RALGPS1: variants seen among roughly 807,000 people sequenced by gnomAD.
RALGPS1 encodes the protein ras-specific guanine nucleotide-releasing factor RalGPS1.
In RALGPS1, 19 loss-of-function variants were observed where a neutral mutation model predicts 78.8. That is an observed-to-expected ratio of 0.24 (90% CI 0.17 to 0.35). The LOEUF (loss-of-function observed/expected upper bound fraction) is 0.35, where lower values mean the gene tolerates loss of function less well. RALGPS1 is among the 10% of genes least tolerant of loss of function. RALGPS1 has a pLI of 1.00. For missense variants in RALGPS1, 454 were observed against 688.3 expected (o/e 0.66, Z 3.81); for synonymous variants, 228 against 256.3 (o/e 0.89, Z 1.06).
At chr9:127,097,559 C>A (rs957192667) in intron 8 of RALGPS1, among the ~76,000 whole-genome samples, 1 of 152,224 alleles carries the variant, frequency 6.6e-6, no homozygotes, top group Non-Finnish European at 1.5e-5. Context: ...AGAAACATCA[C>A]TGATGGATGA....
At chr9:126,944,844 G>C (rs2037109788) in intron 1 of RALGPS1, among the ~76,000 whole-genome samples, 1 of 152,170 alleles carries the variant, frequency 6.6e-6, no homozygotes, top group Admixed American at 6.5e-5. Flanking sequence ...TTCAGCCATT[G>C]AGTCTCATCA....
Position 127,186,142 on chromosome 9 carries a change from T to C in RALGPS1, c.911-8949T>C, listed in dbSNP as rs181235268. Among the ~76,000 whole-genome samples the C allele has an allele frequency of 2.7e-4, 41 of 152,372 alleles. No individual in the cohort carries two copies. The East Asian group carries it at 6.9e-3, about 26-fold the overall frequency. The stretch of plus-strand genomic sequence containing the variant: ...AGAGGTCTGTTGGGCAGCCTGTTGC[T>C]TTCTTGAAAGAAGTGTAATGAAAAC... On this transcript the variant is annotated intron_variant, in intron 11 of 18. Transcript: ENST00000259351.
At chr9:127,066,135 G>A (rs1327621544) in intron 7 of RALGPS1, among the ~76,000 whole-genome samples, 1 of 152,204 alleles carries the variant, frequency 6.6e-6, no homozygotes, top group Non-Finnish European at 1.5e-5. Context: ...AGGTAGGCTG[G>A]GCATGGCAGG....
chr9:127,172,075 CTTTAT>C (rs1005487698), intron 10 of RALGPS1, among the ~76,000 whole-genome samples: 18 of 152,178 alleles, frequency 1.2e-4, no homozygotes, highest in Admixed American at 1.0e-3. Context: ...TTCCTGGAGT[CTTTAT>C]TTTAATCAGT....
chr9:126,927,023 C>A (rs966906853), intron 1 of RALGPS1, among the ~76,000 whole-genome samples: 8 of 152,094 alleles, frequency 5.3e-5, no homozygotes, highest in African/African-American at 1.9e-4. Flanking sequence ...GGTGGACCTG[C>A]CCACTTGGTG....
At chr9:126,972,206 C>T (rs1048313140) in intron 3 of RALGPS1, among the ~76,000 whole-genome samples, 2 of 152,192 alleles carry the variant, frequency 1.3e-5, no homozygotes, top group African/African-American at 4.8e-5. Context: ...ATTGCCCCAT[C>T]ATGGCACAAT....
intron 4 of RALGPS1, among the ~76,000 whole-genome samples, chr9:127,018,273 C>T (rs1390462720): frequency 3.3e-5 from 5 of 150,918 alleles, no homozygotes; most frequent in Admixed American, 6.6e-5. Flanking sequence ...TGCCTTCTTC[C>T]GGAAGGACCT....
At chr9:127,077,384 A>G (rs1016279077) in intron 8 of RALGPS1, among the ~76,000 whole-genome samples, 2 of 152,228 alleles carry the variant, frequency 1.3e-5, no homozygotes, top group African/African-American at 4.8e-5. Context: ...TACCTGATGA[A>G]GACACATAGC....
intron 8 of RALGPS1, among the ~76,000 whole-genome samples, chr9:127,131,126 G>A (rs2056976743): frequency 6.6e-6 from 1 of 152,198 alleles, no homozygotes; most frequent in African/African-American, 2.4e-5. Context: ...TGTGGGGGTG[G>A]AGGGCAATGT....
At chr9:127,210,437 A>G in intron 14 of RALGPS1, 13 of 512,514 alleles carry the variant, frequency 2.5e-5, no homozygotes, top group Non-Finnish European at 3.5e-5. Flanking sequence ...CACTGGAAAA[A>G]GGGTGAACAC....
rs145009171 is a variant in RALGPS1, at chr9:126,977,940, C to T, written c.216+195C>T. 1.4e-3 allele frequency: 652 copies of T among 463,680 alleles called. 10 individuals carry two copies. In the East Asian group the frequency reaches 0.021, roughly 15 times the overall value. 28.7% of individuals were successfully genotyped at this position (463,680 alleles called of 1,614,324 possible). On this transcript the variant is annotated intron_variant, in intron 4 of 18. Coordinates refer to ENST00000259351, the MANE Select transcript of RALGPS1 (RefSeq NM_014636.3). ...TTTGGATTTTCCAGAGAATGTCTCC[C>T]GTCTGGCCTACTCTGGCAGGGCTGG...
At chr9:127,016,592 C>T (rs934817267) in intron 4 of RALGPS1, 52 of 152,126 alleles carry the variant, frequency 3.4e-4, no homozygotes, top group African/African-American at 1.2e-3. Flanking sequence ...ACCTATAACC[C>T]GAGGCCTCTA....
rs146889995 is a variant in RALGPS1 at position 126,990,054 on chromosome 9, G to A, written c.216+12309G>A. 5.3e-5 allele frequency: 81 copies of A among 1,538,852 alleles called. No individual in the cohort carries two copies. The East Asian group carries it at 1.7e-3, about 32-fold the overall frequency. On this transcript the variant is annotated intron_variant, in intron 4 of 18. Transcript: ENST00000259351. ...GTTTGCCTGCTCTGAAGAAGCGGGC[G>A]TTCCAGAAAGCCGAGGTCAATGTTG...
intron 8 of RALGPS1, among the ~76,000 whole-genome samples, chr9:127,159,466 G>A (rs2058893503): frequency 6.6e-6 from 1 of 152,186 alleles, no homozygotes; most frequent in Admixed American, 6.5e-5. Context: ...CAGAAAGCGT[G>A]GCCTCTGACC....
chr9:127,184,238 T>A lies in RALGPS1; in HGVS notation c.910+9456T>A. 3.7e-6 allele frequency: 2 copies of A among 547,720 alleles called. 1 individual carries two copies. Among genetic ancestry groups the A allele is most frequent in the Non-Finnish European group, 6.4e-6 (2 of 313,034 alleles). The allele number at this position is 547,720 out of a possible 1,614,324, so 33.9% of individuals were successfully genotyped here. ...TCCTCAGGGCTTAGGCGAGATCGCT[T>A]GATCCCAGGAGGGGGAGGCTACAGT... On this transcript the variant is annotated intron_variant, in intron 11 of 18. Coordinates refer to ENST00000259351, the MANE Select transcript of RALGPS1 (RefSeq NM_014636.3).
At chr9:127,196,687 C>G (rs2061366109) in intron 13 of RALGPS1, 56 bp downstream of exon 13, 5 of 1,505,522 alleles carry the variant, frequency 3.3e-6, no homozygotes, top group Non-Finnish European at 4.5e-6. Flanking sequence ...CCAGCGTGTG[C>G]TCCGTGTCTG....
At position 127,219,989 on chromosome 9, in the gene RALGPS1, C is replaced by T. The variant is rs532474483; in HGVS notation, c.*1220C>T. The T allele has an allele frequency of 8.3e-4, 127 of 152,682 alleles. 1 individual carries two copies. The highest frequency in any genetic ancestry group is 1.5e-3 in the Non-Finnish European group (105 of 68,048). The allele number at this position is 152,682 out of a possible 1,614,324, so 9.5% of individuals were successfully genotyped here. On this transcript the variant is annotated 3_prime_UTR_variant, in exon 19 of 19. Coordinates refer to ENST00000259351, the MANE Select transcript of RALGPS1 (RefSeq NM_014636.3). The surrounding 1 kb of genome is among the most constrained non-coding windows in gnomAD (Gnocchi z 5.0). ...CGGGGAGTGAACGGTCCAACCTCTGCATTCAGTTAGGAGCTCTTCACATGA... is the reference window on the plus strand; with the variant it reads ...CGGGGAGTGAACGGTCCAACCTCTGTATTCAGTTAGGAGCTCTTCACATGA...
At chr9:126,939,516 A>G (rs919012936) in intron 1 of RALGPS1, among the ~76,000 whole-genome samples, 8 of 152,232 alleles carry the variant, frequency 5.3e-5, no homozygotes, top group Non-Finnish European at 1.2e-4. Flanking sequence ...TGGCACCCCC[A>G]GTACTCCTGA....
chr9:126,955,974 T>C (rs1275641950), intron 1 of RALGPS1, among the ~76,000 whole-genome samples: 1 of 152,222 alleles, frequency 6.6e-6, no homozygotes, highest in Admixed American at 6.5e-5. Context: ...GCTGCTCTCC[T>C]TTTCTTTCAG....
Sources: allele counts gnomAD v4.1 joint callset (sites outside exome capture counted in the v4.1 genomes callset), GRCh38; gene constraint gnomAD v4.1.1; non-coding constraint Gnocchi (gnomAD v3.1); transcripts MANE v1.5; gene names NCBI Gene and HGNC (gene_info 2026-07-23, HGNC 2026-07-21).